Variants in DPF3 observed in about 807,000 individuals in gnomAD.
DPF3 encodes double PHD fingers 3.
A neutral mutation model predicts 56.8 loss-of-function variants in DPF3; 18 were observed. That is an observed-to-expected ratio of 0.32 (90% CI 0.22 to 0.47). The LOEUF is 0.47. DPF3 is among the 20% of genes least tolerant of loss of function. The pLI, the probability that DPF3 is intolerant of heterozygous loss-of-function variation, is 1.00. For missense variants in DPF3, 403 were observed against 488.8 expected (o/e 0.82, Z 1.65); for synonymous variants, 188 against 180.2 (o/e 1.04, Z -0.35).
At chr14:72,669,734 T>A (rs1298403300) in intron 8 of DPF3, among the ~76,000 whole-genome samples, 1 of 152,044 alleles carries the variant, frequency 6.6e-6, no homozygotes, top group Non-Finnish European at 1.5e-5. Flanking sequence ...AAGACTCAGA[T>A]CACACACCTA....
intron 1 of DPF3, among the ~76,000 whole-genome samples, chr14:72,829,613 T>G (rs1223502314): frequency 1.3e-5 from 2 of 152,168 alleles, no homozygotes; most frequent in Non-Finnish European, 2.9e-5. Flanking sequence ...CTCAAACTCC[T>G]GACCTTGTGA....
chr14:72,713,002 T>C (rs1238200922), intron 6 of DPF3, among the ~76,000 whole-genome samples: 3 of 152,256 alleles, frequency 2.0e-5, no homozygotes, highest in African/African-American at 7.2e-5. Context: ...CCCAAGACGG[T>C]CTGAGGGCCC....
intron 1 of DPF3, among the ~76,000 whole-genome samples, chr14:72,847,548 G>A (rs1351565053): frequency 2.6e-5 from 4 of 151,808 alleles, no homozygotes; most frequent in African/African-American, 9.7e-5. Context: ...ATCTTGCTCT[G>A]TCACCCAGGC....
At chr14:72,648,280 C>T (rs56097225) in intron 8 of DPF3, among the ~76,000 whole-genome samples, 23,162 of 152,158 alleles carry the variant, frequency 0.15, 1,964 homozygotes, top group Middle Eastern at 0.23. Context: ...AAAACTATTG[C>T]GCCAGGCGTG....
rs117145360 is a variant in DPF3 at position 72,823,913 on chromosome 14, G to A, written c.33-52020C>T. On this transcript the variant is annotated intron_variant, in intron 1 of 10. Transcript: ENST00000556509. ...GAAAATGCTATGCTTCCTTCCAGCTGTAGGGAAGCTGAGCCACTGGGGAAG... is the reference window on the plus strand; with the variant it reads ...GAAAATGCTATGCTTCCTTCCAGCTATAGGGAAGCTGAGCCACTGGGGAAG... Among the ~76,000 whole-genome samples, 853 of 152,316 alleles carry A rather than the reference G, an allele frequency of 5.6e-3. 5 individuals are homozygous for A. Among genetic ancestry groups the A allele is most frequent in the Non-Finnish European group, 8.8e-3 (599 of 68,030 alleles).
chr14:72,702,180 C>A (rs1888196985), intron 6 of DPF3, among the ~76,000 whole-genome samples: 1 of 152,132 alleles, frequency 6.6e-6, no homozygotes, highest in South Asian at 2.1e-4. Flanking sequence ...CCCTCCCCAC[C>A]CACCCCAACG....
Position 72,821,768 on chromosome 14 carries a change from G to A in DPF3, c.33-49875C>T, listed in dbSNP as rs1883554651. On this transcript the variant is annotated intron_variant, in intron 1 of 10. Transcript: ENST00000556509. ...TGCCTGTAATCCCAGAGCTTTGGGA[G>A]ACCAAGGCAGGAGGACTGCTTGAGG... Among the ~76,000 whole-genome samples the A allele has an allele frequency of 2.6e-5, 4 of 152,172 alleles. 1 individual carries two copies. The South Asian group carries it at 8.3e-4, about 32-fold the overall frequency.
At chr14:72,732,129 C>T (rs1026076720) in intron 3 of DPF3, among the ~76,000 whole-genome samples, 195 bp from the exon 4 acceptor site, 5 of 152,168 alleles carry the variant, frequency 3.3e-5, no homozygotes, top group East Asian at 1.9e-4. Flanking sequence ...AGACAGATTC[C>T]GACCATGCCC....
At chr14:72,729,324 A>C (rs1347027122) in intron 4 of DPF3, among the ~76,000 whole-genome samples, 3 of 152,192 alleles carry the variant, frequency 2.0e-5, no homozygotes, top group Non-Finnish European at 4.4e-5. Context: ...ACAAGTGTAC[A>C]TCCGGGGAAA....
At chr14:72,625,173 T>C (rs955041342) in intron 9 of DPF3, among the ~76,000 whole-genome samples, 4 of 152,240 alleles carry the variant, frequency 2.6e-5, no homozygotes, top group African/African-American at 9.6e-5. Context: ...CTTATAACCA[T>C]AACTGTGAAG....
chr14:72,758,335 C>T (rs1046226532), intron 2 of DPF3, among the ~76,000 whole-genome samples: 3 of 152,130 alleles, frequency 2.0e-5, no homozygotes, highest in Non-Finnish European at 4.4e-5. Context: ...GTGATTGCCC[C>T]AGCTTACAGC....
intron 2 of DPF3, among the ~76,000 whole-genome samples, chr14:72,759,729 T>G (rs1890991340): frequency 6.6e-6 from 1 of 152,140 alleles, no homozygotes; most frequent in Non-Finnish European, 1.5e-5. Context: ...CAGCAAAGTA[T>G]GTCATAATCA....
At chr14:72,887,696 T>C (rs1886601661) in intron 1 of DPF3, among the ~76,000 whole-genome samples, 1 of 119,134 alleles carries the variant, frequency 8.4e-6, no homozygotes, top group Admixed American at 8.6e-5. Context: ...GGCTCAAAGT[T>C]CTGTGTCCCA....
intron 5 of DPF3, 124 bp downstream of exon 5, chr14:72,723,509 C>T: frequency 3.5e-6 from 3 of 864,550 alleles, no homozygotes; most frequent in East Asian, 2.8e-5. Context: ...GAGTTTTCTC[C>T]TTTGAGCGTT....
At chr14:72,856,705 G>C (rs570607915) in intron 1 of DPF3, among the ~76,000 whole-genome samples, 22 of 152,234 alleles carry the variant, frequency 1.4e-4, no homozygotes, top group Non-Finnish European at 2.4e-4. Flanking sequence ...GGCCTGACTA[G>C]AGCAAGTAGT....
At chr14:72,754,152 T>C (rs1211937985) in intron 2 of DPF3, among the ~76,000 whole-genome samples, 3 of 152,152 alleles carry the variant, frequency 2.0e-5, no homozygotes, top group South Asian at 4.1e-4. Context: ...TGTGTGTGGC[T>C]CTGGTGGCAG....
intron 8 of DPF3, 103 bp downstream of exon 8, chr14:72,674,137 C>A (rs560038928): frequency 2.1e-6 from 3 of 1,422,672 alleles, no homozygotes; most frequent in South Asian, 3.1e-5. Context: ...GCATTGCCAC[C>A]ATCGCTTCCC....
chr14:72,805,128 C>T (rs1268367625), intron 1 of DPF3, among the ~76,000 whole-genome samples: 2 of 150,266 alleles, frequency 1.3e-5, no homozygotes, highest in East Asian at 2.0e-4. Context: ...CCCACAGGAC[C>T]TGCCTATACA....
chr14:72,858,618 C>G (rs964887809), intron 1 of DPF3, among the ~76,000 whole-genome samples: 1 of 152,200 alleles, frequency 6.6e-6, no homozygotes, highest in Non-Finnish European at 1.5e-5. Context: ...AAAACTAAGG[C>G]GTGGTCCTTC....
Sources: gnomAD v4.1 joint callset for allele counts (sites outside exome capture counted in the v4.1 genomes callset) on GRCh38, gnomAD v4.1.1 for gene constraint, MANE v1.5 for transcripts, NCBI Gene and HGNC (gene_info 2026-07-23, HGNC 2026-07-21) for gene names.